The following SLC16A7 variants were observed in gnomAD, a reference collection of about 807,000 sequenced individuals.
SLC16A7 encodes the protein monocarboxylate transporter 2.
SLC16A7 carries 33 observed loss-of-function variants against 34.9 expected under a neutral mutation model. The ratio of observed to expected loss-of-function variants is 0.94; its 90% CI spans 0.72 to 1.26. The LOEUF is 1.26. Ranked by LOEUF, SLC16A7 falls within the 50% of genes most tolerant of loss-of-function variation. The pLI is 0.00. For missense variants in SLC16A7, 573 were observed against 578.1 expected, an observed-to-expected ratio of 0.99 and a Z score of 0.09; for synonymous variants, 201 against 206.6, an observed-to-expected ratio of 0.97 and a Z score of 0.23.
intron 3 of SLC16A7, among the ~76,000 whole-genome samples, chr12:59,712,700 G>T (rs1026974429): frequency 6.6e-6 from 1 of 152,202 alleles, no homozygotes; most frequent in Admixed American, 6.5e-5. Context: ...ACTAGTGTCA[G>T]TGTTTAGGGT....
At position 59,782,210 on chromosome 12, in the gene SLC16A7, C is replaced by G. The variant is rs576568285; in HGVS notation, c.*2531C>G. ...GTTAACTGCTATGCATAAATATTGA[C>G]AGTTAAACCAGAACACAATTGAAAC... is the stretch of plus-strand genomic sequence containing the variant. On this transcript the variant is annotated 3_prime_UTR_variant, in exon 6 of 6. Transcript: ENST00000547379. 1.3e-5 allele frequency: 2 copies of G among 152,292 alleles called. No homozygotes were observed. Among genetic ancestry groups the G allele is most frequent in the South Asian group, 4.1e-4 (2 of 4,830 alleles). 9.4% of individuals were successfully genotyped at this position (152,292 alleles called of 1,614,324 possible). A position where few individuals can be genotyped will look rare whatever the true frequency, so the allele number is the denominator to read the frequency against.
chr12:59,647,014 C>A (rs1868259237), intron 1 of SLC16A7, among the ~76,000 whole-genome samples: 1 of 152,100 alleles, frequency 6.6e-6, no homozygotes, highest in Non-Finnish European at 1.5e-5. Flanking sequence ...AATTAACATG[C>A]TTTTGATTTT....
At chr12:59,648,065 G>C (rs1436455256) in intron 1 of SLC16A7, among the ~76,000 whole-genome samples, 1 of 151,880 alleles carries the variant, frequency 6.6e-6, no homozygotes, top group Non-Finnish European at 1.5e-5. Flanking sequence ...ACAACAACAA[G>C]AACAACAACA....
At chr12:59,639,595 C>G (rs1292384685) in intron 1 of SLC16A7, among the ~76,000 whole-genome samples, 3 of 151,990 alleles carry the variant, frequency 2.0e-5, no homozygotes, top group Non-Finnish European at 4.4e-5. Flanking sequence ...CGATATTGCC[C>G]AAGTTAGTCT....
At chr12:59,687,549 T>G (rs1871254163) in intron 2 of SLC16A7, among the ~76,000 whole-genome samples, 1 of 152,118 alleles carries the variant, frequency 6.6e-6, no homozygotes, top group African/African-American at 2.4e-5. Flanking sequence ...GCCAATGTGT[T>G]TCTCAGGATT....
At chr12:59,767,999 G>A (rs1296689886) in intron 3 of SLC16A7, 1 of 343,530 alleles carries the variant, frequency 2.9e-6, no homozygotes. Context: ...TGTAAATGAG[G>A]AGTTAATGGA....
chr12:59,771,368 C>T lies in SLC16A7; in HGVS notation c.361+6C>T. 1 of 1,577,486 alleles carries T rather than the reference C, an allele frequency of 6.3e-7. No individual in the cohort carries two copies. The highest frequency in any genetic ancestry group is 8.6e-7 in the Non-Finnish European group (1 of 1,161,438). ...CACTATGGGATTCATTACAGGTAAGCCATTTAGTCTTCAGCTTATTCTTAA... is the reference window on the plus strand; with the variant it reads ...CACTATGGGATTCATTACAGGTAAGTCATTTAGTCTTCAGCTTATTCTTAA... On this transcript the variant is annotated splice_donor_region_variant and intron_variant, in intron 4 of 5. Coordinates refer to ENST00000547379, the MANE Select transcript of SLC16A7 (RefSeq NM_001270623.2).
At chr12:59,749,468 G>A (rs747208036) in intron 3 of SLC16A7, among the ~76,000 whole-genome samples, 8 of 152,080 alleles carry the variant, frequency 5.3e-5, no homozygotes, top group South Asian at 2.1e-4. Context: ...CAAAGGTGTC[G>A]AAGTGGTCTA....
At chr12:59,755,710 C>T (rs1262371536) in intron 3 of SLC16A7, among the ~76,000 whole-genome samples, 1 of 152,100 alleles carries the variant, frequency 6.6e-6, no homozygotes, top group Non-Finnish European at 1.5e-5. Context: ...CAATGCCATC[C>T]CCATCAAGCT....
intron 3 of SLC16A7, among the ~76,000 whole-genome samples, chr12:59,751,971 A>G: frequency 6.6e-6 from 1 of 152,172 alleles, no homozygotes; most frequent in East Asian, 1.9e-4. Flanking sequence ...ATCTGCAGCC[A>G]CCAGTGCTGG....
chr12:59,648,097 A>C (rs966580030), intron 1 of SLC16A7, among the ~76,000 whole-genome samples: 1 of 152,058 alleles, frequency 6.6e-6, no homozygotes, highest in African/African-American at 2.4e-5. Flanking sequence ...GGTCAACTGC[A>C]GGGGGTGATT....
At position 59,775,420 on chromosome 12, in the gene SLC16A7, C is replaced by A. The variant is rs749550792; in HGVS notation, c.1125C>A (p.Val375=). The A allele has an allele frequency of 7.4e-6, 12 of 1,614,070 alleles. No individual in the cohort carries two copies. The highest frequency in any genetic ancestry group is 1.0e-5 in the Non-Finnish European group (12 of 1,179,954). ...GTGCACCAAGATTTTCCAGTGCCGTCGGACTTGTCACAATTGTGGAGTGTG... is the reference window on the plus strand; with the variant it reads ...GTGCACCAAGATTTTCCAGTGCCGTAGGACTTGTCACAATTGTGGAGTGTG... The part of the protein sequence containing the change: ...LVGAPRFSSA[V]GLVTIVECGP... The change falls in exon 5 of 6, where the codon GTC becomes GTA. Residue 375 remains valine, a synonymous_variant. Transcript: ENST00000547379.
intron 3 of SLC16A7, among the ~76,000 whole-genome samples, chr12:59,712,764 C>G (rs1278605430): frequency 6.6e-6 from 1 of 152,056 alleles, no homozygotes; most frequent in African/African-American, 2.4e-5. Context: ...TGTGATGTCC[C>G]CACTGGAGCA....
chr12:59,686,132 T>C (rs2137083277), intron 2 of SLC16A7, among the ~76,000 whole-genome samples: 1 of 142,172 alleles, frequency 7.0e-6, no homozygotes, highest in South Asian at 2.2e-4. Context: ...GGAGGGTCCC[T>C]GTTCTGTCGC....
chr12:59,771,413 G>T (rs1303252207), intron 4 of SLC16A7, 51 bp downstream of exon 4: 2 of 1,279,828 alleles, frequency 1.6e-6, no homozygotes, highest in Non-Finnish European at 2.1e-6. Context: ...TATTTTCAAA[G>T]CTCTATGAGA....
chr12:59,670,868 C>A (rs966001608), intron 2 of SLC16A7, among the ~76,000 whole-genome samples: 35 of 152,186 alleles, frequency 2.3e-4, no homozygotes, highest in Admixed American at 2.3e-3. Context: ...TGGTTGGTAG[C>A]CCTGACTGCT....
chr12:59,669,991 A>C (rs1869541290), intron 2 of SLC16A7, among the ~76,000 whole-genome samples: 1 of 152,172 alleles, frequency 6.6e-6, no homozygotes, highest in Admixed American at 6.5e-5. Flanking sequence ...AGTACCATAA[A>C]CTGGGTAATT....
chr12:59,771,873 G>A (rs938675567), intron 4 of SLC16A7, among the ~76,000 whole-genome samples: 1 of 152,054 alleles, frequency 6.6e-6, no homozygotes, highest in Non-Finnish European at 1.5e-5. Context: ...CATTAACCGT[G>A]TTCCTTCTTT....
intron 2 of SLC16A7, among the ~76,000 whole-genome samples, chr12:59,691,184 T>C (rs1871603479): frequency 6.6e-6 from 1 of 151,966 alleles, no homozygotes; most frequent in Non-Finnish European, 1.5e-5. Flanking sequence ...ATGTACATTA[T>C]CTCACTAAAG....
Sources: gnomAD v4.1 joint callset for allele counts (sites outside exome capture counted in the v4.1 genomes callset) on GRCh38, gnomAD v4.1.1 for gene constraint, MANE v1.5 for transcripts, NCBI Gene and HGNC (gene_info 2026-07-23, HGNC 2026-07-21) for gene names.